Variants in GREM1 observed in about 807,000 individuals in gnomAD.
The protein encoded by GREM1 is gremlin-1.
A neutral mutation model predicts 13.1 loss-of-function variants in GREM1; 6 were observed. That is an observed-to-expected ratio of 0.46 (90% CI 0.25 to 0.91). The LOEUF (loss-of-function observed/expected upper bound fraction) is 0.91. GREM1 is among the 40% of genes least tolerant of loss of function. The pLI is 0.18. For synonymous variants in GREM1, 98 were observed against 93.7 expected (o/e 1.05, Z -0.27); for missense variants, 185 against 233.9 (o/e 0.79, Z 1.36).
chr15:32,718,663 T>G (rs1330594539), intron 1 of GREM1: 2 of 361,084 alleles, frequency 5.5e-6, no homozygotes, highest in Non-Finnish European at 1.1e-5. Flanking sequence ...GGTTGGAGCA[T>G]CCGGAGAATC....
intron 1 of GREM1, among the ~76,000 whole-genome samples, chr15:32,722,713 T>C (rs1464234015): frequency 2.6e-5 from 4 of 152,158 alleles, no homozygotes; most frequent in Non-Finnish European, 4.4e-5. Context: ...GAAAGCATGC[T>C]GTAGAGAGGA....
Position 32,730,949 on chromosome 15 carries a change from A to G in GREM1, c.259A>G (p.Lys87Glu), listed in dbSNP as rs776954783. The G allele has an allele frequency of 6.2e-7, 1 of 1,614,132 alleles. No homozygotes were observed. The highest frequency in any genetic ancestry group is 2.2e-5 in the East Asian group (1 of 44,868). The change falls in exon 2 of 2, where the codon AAA becomes GAA. Residue 87 changes from lysine to glutamate, a missense_variant. Physicochemically the swap from Lys to Glu is moderately conservative, Grantham distance 56 (BLOSUM62 1). Transcript: ENST00000651154. ...SQEALHVTER[K>E]YLKRDWCKTQ... Reference sequence around the variant, plus strand: ...AGAGGCCCTGCATGTGACGGAGCGCAAATACCTGAAGCGAGACTGGTGCAA... The same window carrying G: ...AGAGGCCCTGCATGTGACGGAGCGCGAATACCTGAAGCGAGACTGGTGCAA...
chr15:32,720,878 T>C lies in GREM1; in HGVS notation c.-2+2717T>C, dbSNP rs563638426. ...ATTGGGTTTAAACTGCTGGCTGGGC[T>C]AGGCACAGTGGCTCACACCGGTAAT... On this transcript the variant is annotated intron_variant, in intron 1 of 1. Transcript: ENST00000651154. 2.4e-3 allele frequency among the ~76,000 whole-genome samples: 366 copies of C among 152,260 alleles called. 2 individuals carry two copies. The highest frequency in any genetic ancestry group is 2.7e-3 in the Non-Finnish European group (187 of 68,010).
At chr15:32,728,284 C>CT (rs1170516603) in intron 1 of GREM1, among the ~76,000 whole-genome samples, 3 of 151,914 alleles carry the variant, frequency 2.0e-5, no homozygotes, top group East Asian at 3.9e-4. Flanking sequence ...AGTATAAGTG[C>CT]TTTTTTTTAA....
At chr15:32,725,320 C>T (rs535570512) in intron 1 of GREM1, among the ~76,000 whole-genome samples, 20 of 152,200 alleles carry the variant, frequency 1.3e-4, no homozygotes, top group East Asian at 3.9e-4. Flanking sequence ...TCTTTAATGA[C>T]GGCCATTCTA....
chr15:32,718,299 T>C (rs2140661211), intron 1 of GREM1, 138 bp downstream of exon 1: 1 of 639,630 alleles, frequency 1.6e-6, no homozygotes, highest in Non-Finnish European at 2.7e-6. Context: ...GGGGGTGAAT[T>C]GTGAAGAACC....
Position 32,733,250 on chromosome 15 carries a change from G to C in GREM1, c.*2005G>C, listed in dbSNP as rs1185511766. The C allele has an allele frequency of 1.3e-5, 3 of 225,282 alleles. No individual in the cohort carries two copies. The highest frequency in any genetic ancestry group is 5.9e-5 in the Admixed American group (1 of 16,962). The allele number at this position is 225,282 out of a possible 1,614,324, so 14.0% of individuals were successfully genotyped here. On this transcript the variant is annotated 3_prime_UTR_variant, in exon 2 of 2. Coordinates refer to ENST00000651154, the MANE Select transcript of GREM1 (RefSeq NM_013372.7). ...ACATTCTCCAACAATAAAGCACAGA[G>C]TGGATTTAATTAAGCACACAAATGC...
rs570123333 is a variant in GREM1, at chr15:32,736,629, C to G, written c.*5384C>G. 12 of 152,296 alleles carry G rather than the reference C, an allele frequency of 7.9e-5. No homozygotes were observed. Among genetic ancestry groups the G allele is most frequent in the African/African-American group, 2.9e-4 (12 of 41,560 alleles). The allele number at this position is 152,296 out of a possible 1,614,324, so 9.4% of individuals were successfully genotyped here. A position where few individuals can be genotyped will look rare whatever the true frequency, so the allele number is the denominator to read the frequency against. On this transcript the variant is annotated 3_prime_UTR_variant, in exon 2 of 2. Coordinates refer to ENST00000651154, the MANE Select transcript of GREM1 (RefSeq NM_013372.7). ...ATTGATTCCAAGTGTTTGAGGAAAT[C>G]CGTGTACAACTATTAGATGACTACT...
At position 32,731,415 on chromosome 15, in the gene GREM1, G is replaced by C; in HGVS notation, c.*170G>C. The C allele has an allele frequency of 1.6e-6, 1 of 620,224 alleles. No homozygotes were observed. Among genetic ancestry groups the C allele is most frequent in the Non-Finnish European group, 2.9e-6 (1 of 343,084 alleles). 38.4% of individuals were successfully genotyped at this position (620,224 alleles called of 1,614,324 possible). ...TTCGTGTGCATGAGTGTGGATGGGT[G>C]CCTGTGGGTGTTTTTAGACACCAGA... On this transcript the variant is annotated 3_prime_UTR_variant, in exon 2 of 2. Transcript: ENST00000651154.
Position 32,743,956 on chromosome 15 carries a change from G to A in GREM1, c.*12711G>A, listed in dbSNP as rs868494331. On this transcript the variant is annotated 3_prime_UTR_variant, in exon 2 of 2. Transcript: ENST00000651154. ...ACGACTTAGTAACTGGCTTCCTCTA[G>A]AGTGACTAATCCAAGAGACAGCAAG... The A allele has an allele frequency of 6.6e-6, 1 of 152,138 alleles. No individual in the cohort carries two copies. Among genetic ancestry groups the A allele is most frequent in the African/African-American group, 2.4e-5 (1 of 41,432 alleles). The allele number at this position is 152,138 out of a possible 1,614,324, so 9.4% of individuals were successfully genotyped here.
Position 32,741,789 on chromosome 15 carries a change from A to G in GREM1, c.*10544A>G, listed in dbSNP as rs2055763612. Reference sequence around the variant, plus strand: ...ACATTTCAGTTTTCCATTATTCGGTATAATGTTAGTTATGGGTTTTTAAAA... The same window carrying G: ...ACATTTCAGTTTTCCATTATTCGGTGTAATGTTAGTTATGGGTTTTTAAAA... On this transcript the variant is annotated 3_prime_UTR_variant, in exon 2 of 2. Coordinates refer to ENST00000651154, the MANE Select transcript of GREM1 (RefSeq NM_013372.7). 1 of 152,170 alleles carries G rather than the reference A, an allele frequency of 6.6e-6. No homozygotes were observed. The highest frequency in any genetic ancestry group is 2.4e-5 in the African/African-American group (1 of 41,448). The allele number at this position is 152,170 out of a possible 1,614,324, so 9.4% of individuals were successfully genotyped here.
intron 1 of GREM1, among the ~76,000 whole-genome samples, chr15:32,721,395 T>C (rs1475760939): frequency 6.6e-6 from 1 of 152,166 alleles, no homozygotes; most frequent in Non-Finnish European, 1.5e-5. Flanking sequence ...TTATTAGTAA[T>C]GGTGTTAGGA....
rs1285175116 is a variant in GREM1 at position 32,743,394 on chromosome 15, T to C, written c.*12149T>C. On this transcript the variant is annotated 3_prime_UTR_variant, in exon 2 of 2. Coordinates refer to ENST00000651154, the MANE Select transcript of GREM1 (RefSeq NM_013372.7). ...AAAGGGAAGAGGATATCCTGATGAA[T>C]TTTTTTCTTGGATTGAGCCATGTCT... 1 of 152,186 alleles carries C rather than the reference T, an allele frequency of 6.6e-6. No homozygotes were observed. The highest frequency in any genetic ancestry group is 1.5e-5 in the Non-Finnish European group (1 of 68,034). The allele number at this position is 152,186 out of a possible 1,614,324, so 9.4% of individuals were successfully genotyped here.
rs755568850 is a variant in GREM1, at chr15:32,731,027, A to G, written c.337A>G (p.Ile113Val). 6 of 1,614,196 alleles carry G rather than the reference A, an allele frequency of 3.7e-6. No individual in the cohort carries two copies. The highest frequency in any genetic ancestry group is 1.1e-5 in the South Asian group (1 of 91,082). The stretch of plus-strand genomic sequence containing the variant: ...CGAGGAAGGCTGCAACAGTCGCACC[A>G]TCATCAACCGCTTCTGTTACGGCCA... ...IHEEGCNSRT[I>V]INRFCYGQCN... The change falls in exon 2 of 2, where the codon ATC becomes GTC. Residue 113 changes from isoleucine to valine, a missense_variant. Coordinates refer to ENST00000651154, the MANE Select transcript of GREM1 (RefSeq NM_013372.7).
rs185189241 is a variant in GREM1, at chr15:32,732,685, A to C, written c.*1440A>C. On this transcript the variant is annotated 3_prime_UTR_variant, in exon 2 of 2. Transcript: ENST00000651154. The stretch of plus-strand genomic sequence containing the variant: ...CATCTGCTACTGGTTGGATGGACAT[A>C]ACTATTGTAACTATTCAGTATTTAC... 9.6e-5 allele frequency: 23 copies of C among 239,722 alleles called. No individual in the cohort carries two copies. The highest frequency in any genetic ancestry group is 4.9e-4 in the African/African-American group (22 of 44,984). 14.8% of individuals were successfully genotyped at this position (239,722 alleles called of 1,614,324 possible). A position where few individuals can be genotyped will look rare whatever the true frequency, so the allele number is the denominator to read the frequency against.
chr15:32,724,719 A>G (rs570466798), intron 1 of GREM1, among the ~76,000 whole-genome samples: 30 of 151,916 alleles, frequency 2.0e-4, no homozygotes, highest in African/African-American at 6.8e-4. Flanking sequence ...TACACGTGCC[A>G]TGGTGGTTTG....
chr15:32,738,955 AAAAC>A lies in GREM1; in HGVS notation c.*7717_*7720del, dbSNP rs1176637806. On this transcript the variant is annotated 3_prime_UTR_variant, in exon 2 of 2. Transcript: ENST00000651154. ...CAGAGTAAGTCTCTGTCTCAAAAACAAAACAAACAACAAAAATACTGAAAGCTTT... is the reference window on the plus strand; with the variant it reads ...CAGAGTAAGTCTCTGTCTCAAAAACAAAACAACAAAAATACTGAAAGCTTT... 2 of 152,198 alleles carry A rather than the reference AAAAC, an allele frequency of 1.3e-5. No individual in the cohort carries two copies. The highest frequency in any genetic ancestry group is 2.9e-5 in the Non-Finnish European group (2 of 68,036). 9.4% of individuals were successfully genotyped at this position (152,198 alleles called of 1,614,324 possible).
intron 1 of GREM1, among the ~76,000 whole-genome samples, chr15:32,727,454 GCTAAGAACTCTCAATAAA>G (rs1337829130): frequency 2.4e-4 from 36 of 152,248 alleles, no homozygotes; most frequent in African/African-American, 8.4e-4. Context: ...CCCCTTCAAT[GCTAAGAACTCTCAATAAA>G]CTAGGTATTG....
In GREM1 at chr15:32,742,367, T is replaced by C. The variant is rs528021785; in HGVS notation, c.*11122T>C. 53 of 152,310 alleles carry C rather than the reference T, an allele frequency of 3.5e-4. No individual in the cohort carries two copies. Among genetic ancestry groups the C allele is most frequent in the African/African-American group, 1.2e-3 (49 of 41,576 alleles). The allele number at this position is 152,310 out of a possible 1,614,324, so 9.4% of individuals were successfully genotyped here. A position where few individuals can be genotyped will look rare whatever the true frequency, so the allele number is the denominator to read the frequency against. On this transcript the variant is annotated 3_prime_UTR_variant, in exon 2 of 2. Transcript: ENST00000651154. ...AATCTTTACGCTAGTCATAGGTCTG[T>C]CCAGTCTTTGTATTTCTTCATGATT...
Sources: allele counts gnomAD v4.1 joint callset (sites outside exome capture counted in the v4.1 genomes callset), GRCh38; gene constraint gnomAD v4.1.1; transcripts MANE v1.5; gene names NCBI Gene and HGNC (gene_info 2026-07-23, HGNC 2026-07-21).